GAPVD1: variants seen among roughly 807,000 people sequenced by gnomAD.
The protein encoded by GAPVD1 is GTPase-activating protein and VPS9 domain-containing protein 1.
In GAPVD1, 35 loss-of-function variants were observed where a neutral mutation model predicts 155.5. The ratio of observed to expected loss-of-function variants is 0.23; its 90% CI spans 0.17 to 0.30. The LOEUF is 0.30. Ranked by LOEUF, GAPVD1 falls within the 10% of genes least tolerant of loss-of-function variation. GAPVD1 has a pLI of 1.00. For missense variants in GAPVD1, 1,429 were observed against 1,775.7 expected (o/e 0.80, Z 3.51); for synonymous variants, 636 against 619.7 (o/e 1.03, Z -0.39).
In GAPVD1 at chr9:125,283,966, G is replaced by A. The variant is rs1239405518; in HGVS notation, c.-149-11492G>A. ...CAGCTCACTGCAGCCTCTGCCTCCC[G>A]GGTTCAAGTGATTCTCCTGCGTCAG... On this transcript the variant is annotated intron_variant, in intron 2 of 27. Coordinates refer to ENST00000297933, the MANE Select transcript of GAPVD1 (RefSeq NM_001282680.3). Among the ~76,000 whole-genome samples the A allele has an allele frequency of 3.3e-5, 5 of 150,816 alleles. No homozygotes were observed. The South Asian group carries it at 6.3e-4, about 19-fold the overall frequency.
intron 2 of GAPVD1, among the ~76,000 whole-genome samples, chr9:125,279,805 G>T (rs548007341): frequency 6.7e-6 from 1 of 149,862 alleles, no homozygotes; most frequent in Non-Finnish European, 1.5e-5. Flanking sequence ...GCGATGTTCA[G>T]GCTGGAGTAC....
intron 11 of GAPVD1, among the ~76,000 whole-genome samples, chr9:125,325,632 C>A (rs548357050): frequency 5.0e-4 from 75 of 148,736 alleles, no homozygotes; most frequent in African/African-American, 1.8e-3. Context: ...CCAAGTCTTA[C>A]TTCTAAAAAA....
intron 8 of GAPVD1, 167 bp downstream of exon 8, chr9:125,308,047 G>GTT (rs940580711): frequency 4.8e-6 from 3 of 620,028 alleles, no homozygotes; most frequent in African/African-American, 1.8e-5. Flanking sequence ...ATTAGTTAAG[G>GTT]TTTATCAGTA....
chr9:125,341,321 T>G, intron 18 of GAPVD1, 57 bp downstream of exon 18: 1 of 871,278 alleles, frequency 1.1e-6, no homozygotes, highest in Non-Finnish European at 1.8e-6. Context: ...AGCCCCAGAA[T>G]CTCTTTCAGA....
chr9:125,274,595 C>T (rs547412130), intron 2 of GAPVD1, among the ~76,000 whole-genome samples: 10 of 151,690 alleles, frequency 6.6e-5, no homozygotes, highest in Admixed American at 3.3e-4. Context: ...TCCCGAGTAG[C>T]TGGGATTACA....
At chr9:125,299,545 A>G (rs1239309010) in intron 4 of GAPVD1, among the ~76,000 whole-genome samples, 1 of 151,536 alleles carries the variant, frequency 6.6e-6, no homozygotes, top group Non-Finnish European at 1.5e-5. Flanking sequence ...AATCCCAGCT[A>G]CTCGGGAGGC....
At chr9:125,264,974 C>T (rs1452256187) in intron 1 of GAPVD1, among the ~76,000 whole-genome samples, 1 of 152,096 alleles carries the variant, frequency 6.6e-6, no homozygotes, top group African/African-American at 2.4e-5. Flanking sequence ...CCGCCTTGGC[C>T]CCCCAGAGTG....
chr9:125,275,566 T>C (rs1835637050), intron 2 of GAPVD1, among the ~76,000 whole-genome samples: 3 of 152,070 alleles, frequency 2.0e-5, no homozygotes, highest in South Asian at 2.1e-4. Flanking sequence ...CTGGCCAACA[T>C]GGCAAAACCC....
At chr9:125,326,033 G>A (rs1845124577) in intron 11 of GAPVD1, among the ~76,000 whole-genome samples, 1 of 152,154 alleles carries the variant, frequency 6.6e-6, no homozygotes, top group Non-Finnish European at 1.5e-5. Flanking sequence ...CTTATCAGAT[G>A]AAAACAGCAT....
intron 5 of GAPVD1, among the ~76,000 whole-genome samples, chr9:125,304,529 C>T (rs1458534507): frequency 6.6e-6 from 1 of 152,052 alleles, no homozygotes; most frequent in African/African-American, 2.4e-5. Context: ...TCATCATTAG[C>T]CTTTAAAAAG....
chr9:125,322,420 ACC>A (rs1844467006), intron 10 of GAPVD1, among the ~76,000 whole-genome samples: 1 of 151,784 alleles, frequency 6.6e-6, no homozygotes, highest in South Asian at 2.1e-4. Flanking sequence ...TTAAAAAGAA[ACC>A]TAAAATATAA....
chr9:125,285,684 C>T (rs1385565391), intron 2 of GAPVD1, among the ~76,000 whole-genome samples: 3 of 151,866 alleles, frequency 2.0e-5, no homozygotes, highest in African/African-American at 7.3e-5. Flanking sequence ...TGGTCTCAAA[C>T]TCCTGACCTC....
intron 17 of GAPVD1, among the ~76,000 whole-genome samples, 160 bp from the exon 18 acceptor site, chr9:125,341,017 C>G (rs761584264): frequency 6.6e-6 from 1 of 152,160 alleles, no homozygotes; most frequent in Non-Finnish European, 1.5e-5. Flanking sequence ...CCAGGGAAGT[C>G]GAGGCTGCAG....
intron 2 of GAPVD1, among the ~76,000 whole-genome samples, chr9:125,289,514 A>C (rs998329936): frequency 1.7e-4 from 26 of 152,188 alleles, no homozygotes; most frequent in African/African-American, 6.0e-4. Flanking sequence ...TTTACGAGAA[A>C]GAAGGGAGTC....
chr9:125,342,108 T>A (rs1847916108), intron 18 of GAPVD1, 111 bp from the exon 19 acceptor site: 2 of 628,774 alleles, frequency 3.2e-6, no homozygotes, highest in East Asian at 5.3e-5. Context: ...TGGAATTTCT[T>A]AGCTTTTAAA....
intron 23 of GAPVD1, among the ~76,000 whole-genome samples, chr9:125,352,495 T>C (rs562114450): frequency 1.2e-4 from 19 of 152,354 alleles, no homozygotes; most frequent in Admixed American, 1.1e-3. Flanking sequence ...TGTTGGCCCC[T>C]TTCAGCCATG....
chr9:125,285,405 T>C (rs1837485687), intron 2 of GAPVD1, among the ~76,000 whole-genome samples: 1 of 151,398 alleles, frequency 6.6e-6, no homozygotes, highest in Non-Finnish European at 1.5e-5. Flanking sequence ...CTTGAACTTC[T>C]CAAAATCTGA....
rs1269264246 is a variant in GAPVD1 at position 125,298,917 on chromosome 9, T to C, written c.-5T>C. 2 of 1,583,730 alleles carry C rather than the reference T, an allele frequency of 1.3e-6. No individual in the cohort carries two copies. Among genetic ancestry groups the C allele is most frequent in the East Asian group, 2.2e-5 (1 of 44,678 alleles). ...ATCAGCCTTTGAGCCTTTCCCACATTGAAGATGGTGAAACTAGATATTCAT... is the reference window on the plus strand; with the variant it reads ...ATCAGCCTTTGAGCCTTTCCCACATCGAAGATGGTGAAACTAGATATTCAT... On this transcript the variant is annotated 5_prime_UTR_variant, in exon 4 of 28. Transcript: ENST00000297933.
Position 125,337,228 on chromosome 9 carries a change from T to A in GAPVD1, c.2514T>A (p.Ser838=). The part of the protein sequence containing the change: ...FDPLSSHEGA[S]AVVRPKVHYA... ...TTTTTTCCTGTGTTGCAGGGGCTTC[T>A]GCTGTGGTAAGGCCAAAGGTTCACT... is the stretch of plus-strand genomic sequence containing the variant. The change falls in exon 17 of 28, where the codon TCT becomes TCA. Residue 838 remains serine, a synonymous_variant. Coordinates refer to ENST00000297933, the MANE Select transcript of GAPVD1 (RefSeq NM_001282680.3). 1 of 1,614,018 alleles carries A rather than the reference T, an allele frequency of 6.2e-7. No homozygotes were observed. The highest frequency in any genetic ancestry group is 8.5e-7 in the Non-Finnish European group (1 of 1,179,886).
Sources: gnomAD v4.1 joint callset for allele counts (sites outside exome capture counted in the v4.1 genomes callset) on GRCh38, gnomAD v4.1.1 for gene constraint, MANE v1.5 for transcripts, NCBI Gene and HGNC (gene_info 2026-07-23, HGNC 2026-07-21) for gene names.